CROCC: variants seen among roughly 807,000 people sequenced by gnomAD.
CROCC encodes the protein ciliary rootlet coiled-coil, rootletin.
In CROCC, 180 loss-of-function variants were observed where a neutral mutation model predicts 245.2. The observed-to-expected ratio is 0.73, with a 90% CI of 0.65 to 0.83. CROCC has a LOEUF of 0.83. CROCC is among the 40% of genes least tolerant of loss of function. The pLI, the probability that CROCC is intolerant of heterozygous loss-of-function variation, is 0.00. For synonymous variants in CROCC, 1,205 were observed against 1,241.6 expected (o/e 0.97, Z 0.62); for missense variants, 2,688 against 2,779.4 (o/e 0.97, Z 0.74).
chr1:16,928,282 C>G (rs1329144416), intron 3 of CROCC, among the ~76,000 whole-genome samples: 1 of 152,272 alleles, frequency 6.6e-6, no homozygotes, highest in African/African-American at 2.4e-5. Flanking sequence ...CTCCCACTGC[C>G]CTGCTCCTCC....
chr1:16,969,772 C>T lies in CROCC; in HGVS notation c.5302-13C>T, dbSNP rs780856548. Reference sequence around the variant, plus strand: ...CCCAGGCCAGCCAGGCACCATCAGCCCCTGTCCCCCAGGAACGGCTGGATG... The same window carrying T: ...CCCAGGCCAGCCAGGCACCATCAGCTCCTGTCCCCCAGGAACGGCTGGATG... On this transcript the variant is annotated splice_polypyrimidine_tract_variant and intron_variant, in intron 32 of 36. Coordinates refer to ENST00000375541, the MANE Select transcript of CROCC (RefSeq NM_014675.5). 11 of 1,610,334 alleles carry T rather than the reference C, an allele frequency of 6.8e-6. No individual in the cohort carries two copies. In the Admixed American group the frequency reaches 1.2e-4, roughly 17 times the overall value.
chr1:16,970,806 T>TA, intron 35 of CROCC, 39 bp downstream of exon 35: 4 of 1,519,358 alleles, frequency 2.6e-6, no homozygotes, highest in Non-Finnish European at 3.5e-6. Flanking sequence ...ACTTCATCCC[T>TA]AGTATGAGTG....
chr1:16,946,442 A>C (rs748991983), intron 16 of CROCC, 37 bp downstream of exon 16: 9 of 1,598,458 alleles, frequency 5.6e-6, no homozygotes, highest in Non-Finnish European at 7.7e-6. Context: ...TGCCTTGCCC[A>C]CCCATCCTCC....
intron 14 of CROCC, among the ~76,000 whole-genome samples, chr1:16,945,191 C>T (rs1014533230): frequency 2.6e-5 from 4 of 152,282 alleles, no homozygotes; most frequent in Non-Finnish European, 4.4e-5. Context: ...CAGGATCGCA[C>T]CACTGTACTC....
At chr1:16,924,079 G>A (rs1171050429) in intron 2 of CROCC, among the ~76,000 whole-genome samples, 8 of 152,260 alleles carry the variant, frequency 5.3e-5, no homozygotes, top group African/African-American at 1.2e-4. Flanking sequence ...TAGACTGAGT[G>A]TCTCTCCTGC....
At chr1:16,968,905 G>A in intron 31 of CROCC, 1 of 648,692 alleles carries the variant, frequency 1.5e-6, no homozygotes, top group Non-Finnish European at 2.8e-6. Flanking sequence ...GGCACTCTGG[G>A]CACTAGTAGT....
intron 15 of CROCC, 26 bp from the exon 16 acceptor site, chr1:16,946,233 T>G (rs1266674705): frequency 6.2e-7 from 1 of 1,605,844 alleles, no homozygotes; most frequent in African/African-American, 1.3e-5. Flanking sequence ...CTGCCTTTCC[T>G]CATTTCTCGG....
In CROCC at chr1:16,972,520, C is replaced by T. The variant is rs934616193; in HGVS notation, c.*74C>T. The T allele has an allele frequency of 1.2e-5, 11 of 951,242 alleles. No individual in the cohort carries two copies. Among genetic ancestry groups the T allele is most frequent in the South Asian group, 1.8e-5 (1 of 54,888 alleles). The allele number at this position is 951,242 out of a possible 1,614,324, so 58.9% of individuals were successfully genotyped here. On this transcript the variant is annotated 3_prime_UTR_variant, in exon 37 of 37. Coordinates refer to ENST00000375541, the MANE Select transcript of CROCC (RefSeq NM_014675.5). ...ACCCTTCTTTTGGACAGCCCCCCCA[C>T]CCAGAGCCCGGTCCCTTGGGGGCCT...
Position 16,938,892 on chromosome 1 carries a change from C to A in CROCC, c.1375-17C>A. The A allele has an allele frequency of 6.2e-7, 1 of 1,603,316 alleles. No individual in the cohort carries two copies. Among genetic ancestry groups the A allele is most frequent in the Non-Finnish European group, 8.5e-7 (1 of 1,176,122 alleles). ...CTAACTCAGCAGCCTCCTTCTGCCT[C>A]CCTCCCCCACCCTCAGGCCGTCTTG... On this transcript the variant is annotated splice_polypyrimidine_tract_variant and intron_variant, in intron 11 of 36. Transcript: ENST00000375541.
intron 7 of CROCC, 41 bp from the exon 8 acceptor site, chr1:16,931,250 G>T: frequency 1.6e-5 from 25 of 1,553,012 alleles, no homozygotes; most frequent in Non-Finnish European, 2.2e-5. Flanking sequence ...GAGTAAACCC[G>T]CTCTCACACC....
intron 27 of CROCC, among the ~76,000 whole-genome samples, chr1:16,963,622 C>T (rs2076369222): frequency 6.6e-6 from 1 of 152,040 alleles, no homozygotes; most frequent in Admixed American, 6.6e-5. Context: ...CATGGCAGGA[C>T]CCGTGTCCTG....
At chr1:16,938,695 G>C (rs1485613478) in intron 11 of CROCC, among the ~76,000 whole-genome samples, 1 of 152,298 alleles carries the variant, frequency 6.6e-6, no homozygotes, top group Non-Finnish European at 1.5e-5. Context: ...GAGCCCACCT[G>C]TGAGCAAGGC....
intron 20 of CROCC, chr1:16,951,328 G>C (rs577313533): frequency 2.3e-6 from 1 of 435,942 alleles, no homozygotes; most frequent in East Asian, 3.7e-5. Flanking sequence ...GTCCAGCCCT[G>C]GTAATCCTGA....
chr1:16,934,815 C>A (rs573806184), intron 8 of CROCC, among the ~76,000 whole-genome samples: 1 of 149,606 alleles, frequency 6.7e-6, no homozygotes, highest in South Asian at 2.2e-4. Flanking sequence ...CAGATTTTTT[C>A]TTTTTTCTTT....
intron 2 of CROCC, 36 bp from the exon 3 acceptor site, chr1:16,924,289 C>T: frequency 1.9e-6 from 3 of 1,600,558 alleles, no homozygotes; most frequent in Non-Finnish European, 2.6e-6. Context: ...CCCACTGGAC[C>T]CAGAAGCCAA....
At chr1:16,926,607 G>A (rs1202898010) in intron 3 of CROCC, among the ~76,000 whole-genome samples, 1 of 152,260 alleles carries the variant, frequency 6.6e-6, no homozygotes, top group African/African-American at 2.4e-5. Flanking sequence ...GGGAAACTGA[G>A]GCACTCCCAG....
In CROCC at chr1:16,928,728, G is replaced by C. The variant is rs374623675; in HGVS notation, c.352-1118G>C. On this transcript the variant is annotated intron_variant, in intron 3 of 36. Coordinates refer to ENST00000375541, the MANE Select transcript of CROCC (RefSeq NM_014675.5). The stretch of plus-strand genomic sequence containing the variant: ...TGAGGCAGGAGAATCATTTGAACCC[G>C]GGAGGTGTAGGTTGCAGTGATCCGA... 2.8e-4 allele frequency among the ~76,000 whole-genome samples: 43 copies of C among 151,968 alleles called. No individual in the cohort carries two copies. The East Asian group carries it at 3.7e-3, about 13-fold the overall frequency.
intron 3 of CROCC, among the ~76,000 whole-genome samples, chr1:16,925,761 G>A (rs1158554613): frequency 3.3e-5 from 5 of 152,388 alleles, no homozygotes; most frequent in Non-Finnish European, 5.9e-5. Context: ...ACAAACCCAC[G>A]ACTAGTTGGG....
At chr1:16,940,183 C>G (rs1281813083) in intron 13 of CROCC, 90 bp downstream of exon 13, 1 of 1,356,664 alleles carries the variant, frequency 7.4e-7, no homozygotes, top group Non-Finnish European at 1.0e-6. Flanking sequence ...TGGCTCTGCA[C>G]TAATATGGTC....
Sources: gnomAD v4.1 joint callset for allele counts (sites outside exome capture counted in the v4.1 genomes callset) on GRCh38, gnomAD v4.1.1 for gene constraint, MANE v1.5 for transcripts, NCBI Gene and HGNC (gene_info 2026-07-23, HGNC 2026-07-21) for gene names.